NTRK3: variants seen among roughly 807,000 people sequenced by gnomAD.
NTRK3 encodes neurotrophic receptor tyrosine kinase 3.
A neutral mutation model predicts 91.7 loss-of-function variants in NTRK3; 24 were observed. The ratio of observed to expected loss-of-function variants is 0.26; its 90% CI spans 0.19 to 0.37. The LOEUF is 0.37. Among genes scored for constraint, NTRK3 ranks in the 10% least tolerant of loss-of-function variants. NTRK3 has a pLI of 1.00. For missense variants in NTRK3, 880 were observed against 1,068.9 expected, an observed-to-expected ratio of 0.82 and a Z score of 2.46; for synonymous variants, 483 against 404.0, an observed-to-expected ratio of 1.20 and a Z score of -2.34.
At chr15:87,928,300 G>A (rs1297420558) in intron 17 of NTRK3, 1 of 152,070 alleles carries the variant, frequency 6.6e-6, no homozygotes, top group East Asian at 1.9e-4. Flanking sequence ...GTATTTTTTA[G>A]CAATCTGCCC....
intron 13 of NTRK3, among the ~76,000 whole-genome samples, chr15:88,078,728 G>A (rs1276194437): frequency 6.6e-6 from 1 of 152,212 alleles, no homozygotes; most frequent in East Asian, 1.9e-4. Context: ...TCAGAACTGG[G>A]ACCTAAGCTC....
At chr15:88,214,127 C>T (rs60014508) in intron 3 of NTRK3, among the ~76,000 whole-genome samples, 5,893 of 152,134 alleles carry the variant, frequency 0.039, 411 homozygotes, top group African/African-American at 0.13. Context: ...CCAGGATCTA[C>T]GTGCTTAGCC....
intron 17 of NTRK3, among the ~76,000 whole-genome samples, chr15:87,897,815 C>A (rs1335336605): frequency 6.6e-6 from 1 of 150,744 alleles, no homozygotes; most frequent in Non-Finnish European, 1.5e-5. Flanking sequence ...AAAATTATAA[C>A]ATATCAGAAT....
At chr15:88,256,193 GA>G (rs1172382992) in intron 2 of NTRK3, 25 bp from the exon 3 acceptor site, 2 of 1,393,288 alleles carry the variant, frequency 1.4e-6, no homozygotes, top group East Asian at 2.5e-5. Flanking sequence ...GAGGAGAGGA[GA>G]GGGGGGTGGG....
chr15:88,113,871 C>A lies in NTRK3; in HGVS notation c.1396+12400G>T, dbSNP rs1424790573. Among the ~76,000 whole-genome samples the A allele has an allele frequency of 3.9e-5, 6 of 152,314 alleles. No homozygotes were observed. In the East Asian group the frequency reaches 9.6e-4, roughly 24 times the overall value. On this transcript the variant is annotated intron_variant, in intron 13 of 18. Coordinates refer to ENST00000394480, the Ensembl canonical transcript of NTRK3. ...ATGAAAAAGTTGGCAAATTCCTGATCTACACAATAGTTTCTCAAACTTTAA... is the reference window on the plus strand; with the variant it reads ...ATGAAAAAGTTGGCAAATTCCTGATATACACAATAGTTTCTCAAACTTTAA...
intron 13 of NTRK3, among the ~76,000 whole-genome samples, chr15:88,046,611 A>T (rs1373094726): frequency 6.6e-6 from 1 of 151,950 alleles, no homozygotes; most frequent in East Asian, 1.9e-4. Flanking sequence ...TCCTTGTCCC[A>T]CCCCAGAGGA....
At chr15:87,938,632 G>A (rs2069517672) in intron 15 of NTRK3, among the ~76,000 whole-genome samples, 1 of 152,152 alleles carries the variant, frequency 6.6e-6, no homozygotes, top group Non-Finnish European at 1.5e-5. Flanking sequence ...GACCACTCGG[G>A]GAAACATTTC....
At chr15:88,016,624 C>T (rs1337108520) in intron 14 of NTRK3, among the ~76,000 whole-genome samples, 1 of 152,220 alleles carries the variant, frequency 6.6e-6, no homozygotes, top group Admixed American at 6.5e-5. Flanking sequence ...CATTTACATT[C>T]CAACACTGTA....
intron 3 of NTRK3, among the ~76,000 whole-genome samples, chr15:88,215,570 G>A (rs2049694957): frequency 1.3e-5 from 2 of 152,218 alleles, no homozygotes; most frequent in Non-Finnish European, 2.9e-5. Context: ...CTGGGGCTGG[G>A]AGGAAAGCTG....
chr15:87,940,867 G>C (rs2069768485), intron 14 of NTRK3, 114 bp from the exon 15 acceptor site: 19 of 1,422,314 alleles, frequency 1.3e-5, no homozygotes, highest in Non-Finnish European at 1.7e-5. Context: ...CCTACAGCAG[G>C]CAAAGGCAAA....
chr15:87,908,670 G>A, intron 17 of NTRK3: 1 of 397,668 alleles, frequency 2.5e-6, no homozygotes, highest in East Asian at 3.6e-5. Context: ...GAGGAAAGCA[G>A]GGGGATCTTT....
chr15:87,938,766 C>T (rs373251278), intron 15 of NTRK3, among the ~76,000 whole-genome samples: 3 of 152,132 alleles, frequency 2.0e-5, no homozygotes, highest in Admixed American at 1.3e-4. Context: ...ATTAAAAATG[C>T]CAGGGCAGTG....
chr15:88,086,705 C>A (rs1261674757), intron 13 of NTRK3, among the ~76,000 whole-genome samples: 1 of 152,156 alleles, frequency 6.6e-6, no homozygotes, highest in Non-Finnish European at 1.5e-5. Flanking sequence ...GCGACGGGCC[C>A]CATGCTTCAG....
At chr15:88,081,860 T>A (rs1446393502) in intron 13 of NTRK3, among the ~76,000 whole-genome samples, 1 of 152,166 alleles carries the variant, frequency 6.6e-6, no homozygotes, top group Admixed American at 6.5e-5. Flanking sequence ...GGCCATTCGA[T>A]CAGAGCCCAT....
At chr15:88,216,060 T>G (rs1322324409) in intron 3 of NTRK3, among the ~76,000 whole-genome samples, 1 of 152,160 alleles carries the variant, frequency 6.6e-6, no homozygotes, top group Admixed American at 6.5e-5. Flanking sequence ...AACAAAAAGA[T>G]GTTCACAAAG....
chr15:87,941,706 G>T (rs2069877855), intron 14 of NTRK3, among the ~76,000 whole-genome samples: 1 of 152,184 alleles, frequency 6.6e-6, no homozygotes, highest in African/African-American at 2.4e-5. Flanking sequence ...CAGAGAGAAG[G>T]GTTGCCCCTG....
intron 13 of NTRK3, among the ~76,000 whole-genome samples, chr15:88,041,750 G>C (rs1415301225): frequency 7.0e-6 from 1 of 143,372 alleles, no homozygotes; most frequent in South Asian, 2.3e-4. Context: ...TTTACCAATG[G>C]TACTTTAATT....
At chr15:87,920,189 T>C (rs984224421) in intron 17 of NTRK3, among the ~76,000 whole-genome samples, 4 of 152,204 alleles carry the variant, frequency 2.6e-5, no homozygotes, top group African/African-American at 9.6e-5. Context: ...TGTAGATAAT[T>C]AGTGTGCAGA....
chr15:87,904,061 A>C (rs540091140), intron 17 of NTRK3, among the ~76,000 whole-genome samples: 1 of 152,176 alleles, frequency 6.6e-6, no homozygotes, highest in East Asian at 1.9e-4. Flanking sequence ...AGAAATACTA[A>C]GTTTGTTTGG....
Sources: gnomAD v4.1 joint callset for allele counts (sites outside exome capture counted in the v4.1 genomes callset) on GRCh38, gnomAD v4.1.1 for gene constraint, MANE v1.5 for transcripts, NCBI Gene and HGNC (gene_info 2026-07-23, HGNC 2026-07-21) for gene names.